Variants in PDZRN3 observed in about 807,000 individuals in gnomAD.
PDZRN3 encodes PDZ domain containing ring finger 3.
A neutral mutation model predicts 85.7 loss-of-function variants in PDZRN3; 38 were observed. That is an observed-to-expected ratio of 0.44 (90% CI 0.34 to 0.58). The LOEUF (loss-of-function observed/expected upper bound fraction) is 0.58, where lower values mean the gene tolerates loss of function less well. Ranked by LOEUF, PDZRN3 falls within the 20% of genes least tolerant of loss-of-function variation. The pLI is 0.01. For synonymous variants in PDZRN3, 759 were observed against 638.0 expected, an observed-to-expected ratio of 1.19 and a Z score of -2.86; for missense variants, 1,629 against 1,506.4, an observed-to-expected ratio of 1.08 and a Z score of -1.35.
At chr3:73,530,706 G>C (rs1559724705) in intron 3 of PDZRN3, among the ~76,000 whole-genome samples, 1 of 152,114 alleles carries the variant, frequency 6.6e-6, no homozygotes, top group Non-Finnish European at 1.5e-5. Context: ...TTCTTAGAGA[G>C]AAAATCAGGA....
At chr3:73,545,145 C>T (rs937950198) in intron 3 of PDZRN3, among the ~76,000 whole-genome samples, 1 of 152,178 alleles carries the variant, frequency 6.6e-6, no homozygotes. Flanking sequence ...GGGTGCCAAG[C>T]GCCTGGCGTC....
intron 3 of PDZRN3, chr3:73,433,969 TC>T: frequency 7.7e-7 from 1 of 1,300,174 alleles, no homozygotes; most frequent in Non-Finnish European, 9.8e-7. Flanking sequence ...CGCACACCAC[TC>T]CCTCCTCTGA....
At chr3:73,504,499 T>C (rs114848159) in intron 3 of PDZRN3, among the ~76,000 whole-genome samples, 2,803 of 152,280 alleles carry the variant, frequency 0.018, 99 homozygotes, top group African/African-American at 0.064. Context: ...GTTATTTTTC[T>C]GGACTCCTCA....
intron 3 of PDZRN3, among the ~76,000 whole-genome samples, chr3:73,581,270 T>C (rs1702198879): frequency 6.6e-6 from 1 of 152,274 alleles, no homozygotes; most frequent in Non-Finnish European, 1.5e-5. Context: ...CTCCCCATGC[T>C]GTGAACATAC....
intron 3 of PDZRN3, among the ~76,000 whole-genome samples, chr3:73,563,013 A>ATT (rs879510100): frequency 3.0e-4 from 13 of 43,756 alleles, no homozygotes; most frequent in African/African-American, 5.1e-4. Context: ...ATATATATAT[A>ATT]TTTTTTTTTT....
intron 1 of PDZRN3, among the ~76,000 whole-genome samples, chr3:73,614,351 AGCCTC>A (rs1323913735): frequency 6.6e-6 from 1 of 152,196 alleles, no homozygotes; most frequent in Non-Finnish European, 1.5e-5. Context: ...CAAACCATCC[AGCCTC>A]AAAAGCTTGG....
intron 7 of PDZRN3, 98 bp from the exon 8 acceptor site, chr3:73,388,167 A>G (rs2106683140): frequency 1.6e-6 from 1 of 641,164 alleles, no homozygotes; most frequent in East Asian, 2.6e-5. Flanking sequence ...TGCATTTGTC[A>G]CCCACTCACA....
intron 3 of PDZRN3, among the ~76,000 whole-genome samples, chr3:73,439,094 TTC>T (rs1209883464): frequency 6.6e-6 from 1 of 152,208 alleles, no homozygotes; most frequent in East Asian, 1.9e-4. Flanking sequence ...GATGGTCACT[TTC>T]TGTTTGCATC....
Position 73,400,415 on chromosome 3 carries a change from C to CACTT in PDZRN3, c.1254+503_1254+506dup, listed in dbSNP as rs375382575. The stretch of plus-strand genomic sequence containing the variant: ...TTTATTCCTGTGTGGCCTCAAATAA[C>CACTT]ACTTAAGAAGAGTTGCAGACTTGTT... On this transcript the variant is annotated intron_variant, in intron 5 of 9. Coordinates refer to ENST00000263666, the MANE Select transcript of PDZRN3 (RefSeq NM_015009.3). Among the ~76,000 whole-genome samples, 531 of 152,280 alleles carry CACTT rather than the reference C, an allele frequency of 3.5e-3. 3 individuals carry two copies. The highest frequency in any genetic ancestry group is 0.012 in the African/African-American group (492 of 41,548).
chr3:73,471,112 G>C (rs1044612812), intron 3 of PDZRN3, among the ~76,000 whole-genome samples: 6 of 152,066 alleles, frequency 3.9e-5, no homozygotes, highest in Non-Finnish European at 7.4e-5. Flanking sequence ...AGGTCATTAA[G>C]GGTTGGCCCT....
intron 3 of PDZRN3, among the ~76,000 whole-genome samples, chr3:73,425,618 A>C (rs2106787335): frequency 6.6e-6 from 1 of 151,688 alleles, no homozygotes; most frequent in Middle Eastern, 3.4e-3. Context: ...AAAAAAGAGA[A>C]TCCCCTTCTC....
intron 1 of PDZRN3, chr3:73,623,880 T>G (rs1362631861): frequency 1.4e-5 from 6 of 419,020 alleles, no homozygotes; most frequent in Non-Finnish European, 2.5e-5. Flanking sequence ...TGTACAGCTA[T>G]ACTTTACCGG....
intron 3 of PDZRN3, among the ~76,000 whole-genome samples, chr3:73,528,907 C>A (rs1425494101): frequency 6.6e-6 from 1 of 151,928 alleles, no homozygotes; most frequent in Admixed American, 6.6e-5. Flanking sequence ...CACACACACA[C>A]ACACACACAC....
rs537469768 is a variant in PDZRN3 at position 73,580,451 on chromosome 3, C to T, written c.918+21903G>A. 1.2e-4 allele frequency among the ~76,000 whole-genome samples: 19 copies of T among 152,340 alleles called. No homozygotes were observed. The South Asian group carries it at 1.7e-3, about 13-fold the overall frequency. Reference sequence around the variant, plus strand: ...GCTGGCTTAGCCAGAGAGGCAAACACGCCAGCATCTTCCCTGCTCTTCTGA... The same window carrying T: ...GCTGGCTTAGCCAGAGAGGCAAACATGCCAGCATCTTCCCTGCTCTTCTGA... On this transcript the variant is annotated intron_variant, in intron 3 of 9. Transcript: ENST00000263666.
At chr3:73,414,082 TA>T (rs113107381) in intron 3 of PDZRN3, among the ~76,000 whole-genome samples, 4,340 of 152,176 alleles carry the variant, frequency 0.029, 225 homozygotes, top group African/African-American at 0.098. Context: ...TGGAATGGCA[TA>T]AAAAAATAGT....
At chr3:73,389,222 T>G (rs1305750210) in intron 7 of PDZRN3, among the ~76,000 whole-genome samples, 2 of 152,082 alleles carry the variant, frequency 1.3e-5, no homozygotes, top group East Asian at 1.9e-4. Flanking sequence ...TCTGTGAGAT[T>G]AAAGAAGGTT....
intron 3 of PDZRN3, among the ~76,000 whole-genome samples, chr3:73,568,865 G>T (rs761032539): frequency 1.1e-4 from 16 of 152,188 alleles, no homozygotes; most frequent in Non-Finnish European, 1.8e-4. Flanking sequence ...AGTGGCCCAG[G>T]CTTATGCTGT....
chr3:73,484,148 C>A (rs145005605), intron 3 of PDZRN3, among the ~76,000 whole-genome samples: 3 of 151,934 alleles, frequency 2.0e-5, no homozygotes, highest in Non-Finnish European at 4.4e-5. Flanking sequence ...GAATTGACAG[C>A]GGGTGTGTGA....
At chr3:73,431,468 G>A (rs776779472) in intron 3 of PDZRN3, among the ~76,000 whole-genome samples, 1 of 152,170 alleles carries the variant, frequency 6.6e-6, no homozygotes, top group Non-Finnish European at 1.5e-5. Context: ...GAAGCCAGAC[G>A]CACCGGACCT....
Sources: allele counts gnomAD v4.1 joint callset (sites outside exome capture counted in the v4.1 genomes callset), GRCh38; gene constraint gnomAD v4.1.1; transcripts MANE v1.5; gene names NCBI Gene and HGNC (gene_info 2026-07-23, HGNC 2026-07-21).